TMEM233: variants seen among roughly 807,000 people sequenced by gnomAD.
TMEM233 encodes dispanin subfamily B member 2.
In TMEM233, 6 loss-of-function variants were observed where a neutral mutation model predicts 11.2. The observed-to-expected ratio is 0.54, with a 90% CI of 0.29 to 1.06. The LOEUF is 1.06. TMEM233 is among the 50% of genes least tolerant of loss of function. The pLI, the probability that TMEM233 is intolerant of heterozygous loss-of-function variation, is 0.08. For synonymous variants in TMEM233, 59 were observed against 55.8 expected (o/e 1.06, Z -0.26); for missense variants, 127 against 144.7 (o/e 0.88, Z 0.63).
intron 1 of TMEM233, among the ~76,000 whole-genome samples, chr12:119,617,627 A>C (rs1954562432): frequency 6.6e-6 from 1 of 152,174 alleles, no homozygotes; most frequent in South Asian, 2.1e-4. Context: ...TGAGGTTAGG[A>C]GTTCGAGACC....
At chr12:119,618,776 G>T (rs1254292695) in intron 1 of TMEM233, among the ~76,000 whole-genome samples, 2 of 152,188 alleles carry the variant, frequency 1.3e-5, no homozygotes, top group Non-Finnish European at 2.9e-5. Flanking sequence ...GTTTTGCAAG[G>T]TCATAGGCGG....
intron 1 of TMEM233, among the ~76,000 whole-genome samples, chr12:119,623,613 A>G (rs1049676221): frequency 6.6e-6 from 1 of 151,724 alleles, no homozygotes; most frequent in African/African-American, 2.4e-5. Flanking sequence ...CCAGCTACTC[A>G]GGAGGCTGAG....
intron 1 of TMEM233, among the ~76,000 whole-genome samples, chr12:119,601,192 T>A (rs1268895505): frequency 6.6e-6 from 1 of 152,044 alleles, no homozygotes; most frequent in African/African-American, 2.4e-5. Context: ...CCCCCAGTAC[T>A]CAATAAAGTG....
intron 1 of TMEM233, among the ~76,000 whole-genome samples, chr12:119,599,182 C>G (rs1404635762): frequency 6.6e-6 from 1 of 152,184 alleles, no homozygotes; most frequent in African/African-American, 2.4e-5. Flanking sequence ...TGCTCCCACC[C>G]CTTCTAAGAC....
At chr12:119,621,595 T>G (rs1373125972) in intron 1 of TMEM233, among the ~76,000 whole-genome samples, 1 of 152,222 alleles carries the variant, frequency 6.6e-6, no homozygotes, top group African/African-American at 2.4e-5. Context: ...ATGGACAAAT[T>G]GCTTTGACTT....
At chr12:119,598,011 T>A (rs1757730942) in intron 1 of TMEM233, among the ~76,000 whole-genome samples, 1 of 152,174 alleles carries the variant, frequency 6.6e-6, no homozygotes, top group Non-Finnish European at 1.5e-5. Context: ...TTCAACATGA[T>A]CTCACCCATC....
At chr12:119,630,547 C>T (rs1224686607) in intron 2 of TMEM233, among the ~76,000 whole-genome samples, 3 of 152,206 alleles carry the variant, frequency 2.0e-5, no homozygotes, top group Admixed American at 6.5e-5. Context: ...AATGAACAGG[C>T]GTGGCTGTGT....
chr12:119,602,203 C>A (rs750767621), intron 1 of TMEM233, among the ~76,000 whole-genome samples: 1 of 151,490 alleles, frequency 6.6e-6, no homozygotes, highest in Non-Finnish European at 1.5e-5. Flanking sequence ...TGACTGCTCA[C>A]ACGTCAAAAC....
At chr12:119,604,996 A>C (rs746297) in intron 1 of TMEM233, among the ~76,000 whole-genome samples, 51,757 of 143,602 alleles carry the variant, frequency 0.36, 9,796 homozygotes, top group African/African-American at 0.46. Flanking sequence ...TTCCCTCACT[A>C]TCTTTTTTTT....
chr12:119,631,714 C>T, intron 2 of TMEM233: 2 of 962,762 alleles, frequency 2.1e-6, no homozygotes, highest in Non-Finnish European at 2.5e-6. Context: ...TGCCTGGACC[C>T]AGGTCCCAGT....
rs1380781567 is a variant in TMEM233, at chr12:119,595,899, G to T, written c.186+1865G>T. Among the ~76,000 whole-genome samples the T allele has an allele frequency of 1.3e-5, 2 of 152,162 alleles. No individual in the cohort carries two copies. The highest frequency in any genetic ancestry group is 4.8e-5 in the African/African-American group (2 of 41,432). On this transcript the variant is annotated intron_variant, in intron 1 of 2. Transcript: ENST00000426426. This position sits in a 1 kb window ranked among gnomAD's most constrained non-coding sequence, Gnocchi z 4.3. Reference sequence around the variant, plus strand: ...CTGTGTCCCTCTCATTAGAATATAAGCTCCATAAGGGCAGGAATATTTGTT... The same window carrying T: ...CTGTGTCCCTCTCATTAGAATATAATCTCCATAAGGGCAGGAATATTTGTT...
intron 1 of TMEM233, among the ~76,000 whole-genome samples, chr12:119,596,905 G>T (rs985412144): frequency 1.3e-5 from 2 of 152,218 alleles, no homozygotes; most frequent in Admixed American, 6.5e-5. Context: ...AAGCATTCTA[G>T]TTCTTAGCAC....
At chr12:119,634,634 C>T (rs1489638417) in intron 2 of TMEM233, among the ~76,000 whole-genome samples, 4 of 151,920 alleles carry the variant, frequency 2.6e-5, no homozygotes, top group Non-Finnish European at 4.4e-5. Context: ...AAAACAAAAA[C>T]AAAACCTGTC....
intron 1 of TMEM233, among the ~76,000 whole-genome samples, chr12:119,617,828 C>T (rs1954566641): frequency 1.3e-5 from 2 of 152,026 alleles, no homozygotes; most frequent in South Asian, 4.1e-4. Context: ...AAAGAAACTC[C>T]ATCTCAAAAA....
intron 2 of TMEM233, 103 bp from the exon 3 acceptor site, chr12:119,640,596 C>A: frequency 7.6e-7 from 1 of 1,310,236 alleles, no homozygotes; most frequent in Non-Finnish European, 1.1e-6. Flanking sequence ...TGTGTTTAAC[C>A]AGAGTCATCA....
At chr12:119,603,867 G>C (rs190693906) in intron 1 of TMEM233, among the ~76,000 whole-genome samples, 64 of 152,310 alleles carry the variant, frequency 4.2e-4, no homozygotes, top group Admixed American at 4.2e-3. Flanking sequence ...CTTTATCTCT[G>C]AGGGTTTGCT....
chr12:119,617,637 C>T (rs1463024724), intron 1 of TMEM233, among the ~76,000 whole-genome samples: 2 of 152,040 alleles, frequency 1.3e-5, no homozygotes, highest in African/African-American at 4.8e-5. Context: ...AGTTCGAGAC[C>T]AGCCTGACCA....
chr12:119,642,921 G>T lies in TMEM233; in HGVS notation c.*2216G>T, dbSNP rs1955105808. 6.6e-6 allele frequency: 1 copy of T among 152,194 alleles called. No homozygotes were observed. Among genetic ancestry groups the T allele is most frequent in the African/African-American group, 2.4e-5 (1 of 41,444 alleles). 9.4% of individuals were successfully genotyped at this position (152,194 alleles called of 1,614,324 possible). On this transcript the variant is annotated 3_prime_UTR_variant, in exon 3 of 3. Transcript: ENST00000426426. ...GGGACACGAAATCTCAGCACACAGA[G>T]ATTCTAGCATCATTCCAATAGATTG...
chr12:119,647,074 T>G (rs78088991), downstream of TMEM233, among the ~76,000 whole-genome samples: 2 of 152,176 alleles, frequency 1.3e-5, no homozygotes, highest in Non-Finnish European at 2.9e-5. Flanking sequence ...TCTTTTTTTT[T>G]GGAAGAGATG....
Sources: allele counts gnomAD v4.1 joint callset (sites outside exome capture counted in the v4.1 genomes callset), GRCh38; gene constraint gnomAD v4.1.1; non-coding constraint Gnocchi (gnomAD v3.1); transcripts MANE v1.5; gene names NCBI Gene and HGNC (gene_info 2026-07-23, HGNC 2026-07-21).